VPS13B: variants seen among roughly 807,000 people sequenced by gnomAD.
VPS13B encodes the protein vacuolar protein sorting 13 homolog B.
Under a neutral mutation model 426.4 loss-of-function variants are expected in VPS13B, and 285 were observed. The observed-to-expected ratio is 0.67, with a 90% CI of 0.61 to 0.74. VPS13B has a LOEUF of 0.74. VPS13B is among the 30% of genes least tolerant of loss of function. The pLI, the probability that VPS13B is intolerant of heterozygous loss-of-function variation, is 0.00. For missense variants in VPS13B, 4,537 were observed against 4,782.6 expected (o/e 0.95, Z 1.51); for synonymous variants, 1,676 against 1,676.4 (o/e 1.00, Z 0.01).
At chr8:99,357,577 T>C (rs1812246668) in intron 19 of VPS13B, among the ~76,000 whole-genome samples, 1 of 152,218 alleles carries the variant, frequency 6.6e-6, no homozygotes, top group South Asian at 2.1e-4. Flanking sequence ...CCATTTATTT[T>C]ATTCCAAAAG....
chr8:99,870,956 C>A, intron 60 of VPS13B, 69 bp downstream of exon 60: 1 of 1,498,228 alleles, frequency 6.7e-7, no homozygotes, highest in Non-Finnish European at 9.2e-7. Context: ...GGCTTGCTCT[C>A]AAGCTAATGG....
intron 35 of VPS13B, among the ~76,000 whole-genome samples, chr8:99,679,840 A>G (rs1195110351): frequency 6.6e-6 from 1 of 152,166 alleles, no homozygotes; most frequent in East Asian, 1.9e-4. Flanking sequence ...CTTGAACACT[A>G]TAACAAAAAC....
At chr8:99,525,454 C>A (rs909801695) in intron 30 of VPS13B, among the ~76,000 whole-genome samples, 2 of 152,170 alleles carry the variant, frequency 1.3e-5, no homozygotes, top group Non-Finnish European at 2.9e-5. Context: ...GGGAGTAGTT[C>A]ATTCCTTCCA....
intron 12 of VPS13B, among the ~76,000 whole-genome samples, chr8:99,138,829 C>A (rs1563562890): frequency 6.6e-6 from 1 of 152,142 alleles, no homozygotes; most frequent in African/African-American, 2.4e-5. Flanking sequence ...TATGCATGTG[C>A]TGTGGATTCC....
At chr8:99,345,584 C>T (rs995806164) in intron 19 of VPS13B, among the ~76,000 whole-genome samples, 1 of 152,004 alleles carries the variant, frequency 6.6e-6, no homozygotes, top group African/African-American at 2.4e-5. Flanking sequence ...GTGAGTAGAA[C>T]TTTGACTTTT....
chr8:99,212,797 C>T (rs1374238738), intron 17 of VPS13B, among the ~76,000 whole-genome samples: 1 of 152,106 alleles, frequency 6.6e-6, no homozygotes, highest in African/African-American at 2.4e-5. Flanking sequence ...TCTTTTCTAC[C>T]AATGTATGTA....
intron 39 of VPS13B, among the ~76,000 whole-genome samples, chr8:99,726,740 G>A (rs1170744279): frequency 6.6e-6 from 1 of 152,166 alleles, no homozygotes; most frequent in Non-Finnish European, 1.5e-5. Context: ...ATTTTTAGTA[G>A]AGATGGGGCT....
At chr8:99,716,240 C>A (rs1832915739) in intron 36 of VPS13B, among the ~76,000 whole-genome samples, 2 of 152,120 alleles carry the variant, frequency 1.3e-5, no homozygotes, top group Non-Finnish European at 2.9e-5. Flanking sequence ...CAAGTCTCTA[C>A]AGAATTGAAA....
intron 17 of VPS13B, among the ~76,000 whole-genome samples, chr8:99,217,122 G>A (rs1174140665): frequency 2.6e-5 from 4 of 151,984 alleles, no homozygotes; most frequent in Non-Finnish European, 4.4e-5. Context: ...CATTATGTAA[G>A]TAAATGATCA....
At chr8:99,745,413 T>C (rs1810030915) in intron 39 of VPS13B, among the ~76,000 whole-genome samples, 1 of 152,260 alleles carries the variant, frequency 6.6e-6, no homozygotes, top group East Asian at 1.9e-4. Context: ...GTGGTTTCAC[T>C]TTCCACAGTT....
intron 35 of VPS13B, among the ~76,000 whole-genome samples, chr8:99,685,049 C>T (rs1831325547): frequency 6.6e-6 from 1 of 152,220 alleles, no homozygotes; most frequent in Non-Finnish European, 1.5e-5. Context: ...GATCCACCCG[C>T]CTTGGCCTAC....
intron 21 of VPS13B, among the ~76,000 whole-genome samples, chr8:99,402,705 A>T (rs971166630): frequency 2.6e-5 from 4 of 152,266 alleles, no homozygotes; most frequent in Non-Finnish European, 5.9e-5. Flanking sequence ...TTAGGCAGAT[A>T]ATCAGTGGGA....
chr8:99,545,764 A>T (rs112924787), intron 30 of VPS13B, among the ~76,000 whole-genome samples: 98 of 152,214 alleles, frequency 6.4e-4, no homozygotes, highest in African/African-American at 2.3e-3. Context: ...TTAAGGAAAG[A>T]TATTTTCTCT....
chr8:99,354,049 G>C (rs1812046901), intron 19 of VPS13B, among the ~76,000 whole-genome samples: 1 of 151,894 alleles, frequency 6.6e-6, no homozygotes, highest in Non-Finnish European at 1.5e-5. Flanking sequence ...AAGAAAAGGG[G>C]ATTTAAGTCT....
At chr8:99,497,607 T>C (rs1820998134) in intron 25 of VPS13B, among the ~76,000 whole-genome samples, 1 of 151,928 alleles carries the variant, frequency 6.6e-6, no homozygotes, top group Admixed American at 6.6e-5. Context: ...CTGTTGAACA[T>C]ACATTGATAA....
chr8:99,842,201 G>T (rs1181008376), intron 54 of VPS13B, among the ~76,000 whole-genome samples: 1 of 152,048 alleles, frequency 6.6e-6, no homozygotes, highest in Non-Finnish European at 1.5e-5. Context: ...ATGACTTTTA[G>T]CCCAAAGTCA....
intron 3 of VPS13B, among the ~76,000 whole-genome samples, chr8:99,041,395 A>G (rs1002484020): frequency 3.3e-5 from 5 of 152,234 alleles, no homozygotes; most frequent in African/African-American, 1.2e-4. Context: ...TTGTTAACAT[A>G]ACTCAAGAGC....
At chr8:99,336,299 C>G (rs1035016361) in intron 19 of VPS13B, among the ~76,000 whole-genome samples, 2 of 152,198 alleles carry the variant, frequency 1.3e-5, no homozygotes, top group African/African-American at 4.8e-5. Context: ...GCTGGGAACA[C>G]TGGCTAGCCA....
chr8:99,790,276 ATT>A (rs1812475794), intron 43 of VPS13B, among the ~76,000 whole-genome samples: 2 of 152,270 alleles, frequency 1.3e-5, no homozygotes, highest in South Asian at 4.1e-4. Context: ...CTACACCATG[ATT>A]TATTAAATAA....
Sources: gnomAD v4.1 joint callset for allele counts (sites outside exome capture counted in the v4.1 genomes callset) on GRCh38, gnomAD v4.1.1 for gene constraint, MANE v1.5 for transcripts, NCBI Gene and HGNC (gene_info 2026-07-23, HGNC 2026-07-21) for gene names.